The following KLF12 variants were observed in gnomAD, a reference collection of about 807,000 sequenced individuals.
KLF12 encodes the protein KLF transcription factor 12.
In KLF12, 9 loss-of-function variants were observed where a neutral mutation model predicts 37.8. That is an observed-to-expected ratio of 0.24 (90% CI 0.14 to 0.42). The LOEUF (loss-of-function observed/expected upper bound fraction) is 0.42. KLF12 is among the 10% of genes least tolerant of loss of function. The pLI is 1.00. For synonymous variants in KLF12, 208 were observed against 202.1 expected (o/e 1.03, Z -0.25); for missense variants, 411 against 516.0 (o/e 0.80, Z 1.97).
the KLF12 span, among the ~76,000 whole-genome samples, chr13:74,284,365 G>A: frequency 2.0e-5 from 3 of 152,220 alleles, no homozygotes; most frequent in Admixed American, 2.0e-4. Context: ...GTCTTGAAGG[G>A]GGACGTGAGA....
chr13:74,293,435 G>A, the KLF12 span, among the ~76,000 whole-genome samples: 2 of 152,098 alleles, frequency 1.3e-5, no homozygotes, highest in Non-Finnish European at 2.9e-5. Flanking sequence ...GTAAATGCAG[G>A]ATATAATAGT....
intron 3 of KLF12, among the ~76,000 whole-genome samples, chr13:73,850,970 T>C (rs1885306060): frequency 6.6e-6 from 1 of 152,224 alleles, no homozygotes; most frequent in Non-Finnish European, 1.5e-5. Flanking sequence ...ACAAAAGACT[T>C]AGATTCATCA....
At chr13:74,133,266 A>C (rs1878360385) in intron 1 of KLF12, among the ~76,000 whole-genome samples, 1 of 151,708 alleles carries the variant, frequency 6.6e-6, no homozygotes, top group Non-Finnish European at 1.5e-5. Context: ...CCCGGTGCGG[A>C]GCTATTCATC....
chr13:74,226,387 T>C, the KLF12 span, among the ~76,000 whole-genome samples: 1,785 of 152,238 alleles, frequency 0.012, 43 homozygotes, highest in African/African-American at 0.041. Context: ...GAATGAATCT[T>C]GAAAGACAGT....
the KLF12 span, among the ~76,000 whole-genome samples, chr13:74,291,456 G>A: frequency 6.6e-6 from 1 of 152,198 alleles, no homozygotes; most frequent in African/African-American, 2.4e-5. Flanking sequence ...GAGGCCCCAA[G>A]CATGGCTCTC....
chr13:73,940,141 T>C (rs957206885), intron 3 of KLF12, among the ~76,000 whole-genome samples: 3 of 152,162 alleles, frequency 2.0e-5, no homozygotes, highest in Admixed American at 6.5e-5. Flanking sequence ...CTAATACTCT[T>C]CTTGTTTCAG....
chr13:74,057,194 A>C (rs1873292786), intron 1 of KLF12, among the ~76,000 whole-genome samples: 1 of 152,196 alleles, frequency 6.6e-6, no homozygotes, highest in South Asian at 2.1e-4. Flanking sequence ...CATTATCTTC[A>C]TAAAGTTTAC....
At chr13:73,891,860 G>GA in intron 3 of KLF12, among the ~76,000 whole-genome samples, 1 of 152,128 alleles carries the variant, frequency 6.6e-6, no homozygotes, top group Non-Finnish European at 1.5e-5. Flanking sequence ...GAGTAAAGCA[G>GA]AAAAATGTAC....
intron 1 of KLF12, among the ~76,000 whole-genome samples, chr13:74,060,835 A>C (rs1324914): frequency 1.3e-5 from 2 of 151,940 alleles, no homozygotes; most frequent in Non-Finnish European, 2.9e-5. Flanking sequence ...CTATTTTCTA[A>C]AATGTTCACT....
intron 2 of KLF12, among the ~76,000 whole-genome samples, chr13:73,967,809 A>T (rs1181990122): frequency 6.6e-6 from 1 of 152,182 alleles, no homozygotes; most frequent in Non-Finnish European, 1.5e-5. Context: ...CAAGGGACAT[A>T]AGTTAACTTT....
chr13:74,083,355 A>G (rs2138772139), intron 1 of KLF12, among the ~76,000 whole-genome samples: 1 of 152,244 alleles, frequency 6.6e-6, no homozygotes, highest in African/African-American at 2.4e-5. Flanking sequence ...AGTGCAGAAA[A>G]ATTAGCCCAG....
At chr13:73,970,736 A>G (rs1891309190) in intron 2 of KLF12, among the ~76,000 whole-genome samples, 3 of 152,220 alleles carry the variant, frequency 2.0e-5, no homozygotes, top group Admixed American at 2.0e-4. Flanking sequence ...AATGCTGAAG[A>G]AACATTAGCC....
the KLF12 span, among the ~76,000 whole-genome samples, chr13:74,220,731 C>T: frequency 6.6e-6 from 1 of 152,122 alleles, no homozygotes; most frequent in African/African-American, 2.4e-5. Flanking sequence ...TCTATGAAAT[C>T]GATTTTTTGC....
At chr13:73,849,404 T>C (rs756081478) in intron 3 of KLF12, among the ~76,000 whole-genome samples, 127 of 140,676 alleles carry the variant, frequency 9.0e-4, no homozygotes, top group Non-Finnish European at 1.7e-3. Context: ...AAAAAAAGCA[T>C]TGGTTCTGAG....
At chr13:74,304,630 A>G in the KLF12 span, among the ~76,000 whole-genome samples, 1 of 152,162 alleles carries the variant, frequency 6.6e-6, no homozygotes, top group Admixed American at 6.6e-5. Flanking sequence ...GAACAAAGAA[A>G]GGACGATAAT....
chr13:74,131,966 G>T (rs768971696), intron 1 of KLF12, among the ~76,000 whole-genome samples: 11 of 151,996 alleles, frequency 7.2e-5, no homozygotes, highest in Non-Finnish European at 1.0e-4. Flanking sequence ...CAACTGAAAC[G>T]TCTGTCCTTC....
chr13:73,985,477 C>G (rs1378140809), intron 2 of KLF12, among the ~76,000 whole-genome samples: 1 of 152,194 alleles, frequency 6.6e-6, no homozygotes, highest in East Asian at 1.9e-4. Context: ...AGGCCGACAA[C>G]CAGTGATTAT....
chr13:73,942,412 G>A (rs1890230758), intron 3 of KLF12, among the ~76,000 whole-genome samples: 1 of 151,960 alleles, frequency 6.6e-6, no homozygotes, highest in Admixed American at 6.6e-5. Flanking sequence ...CTGAGCAGAA[G>A]TTTATTTTAC....
At chr13:73,738,783 T>C (rs934334416) in intron 6 of KLF12, among the ~76,000 whole-genome samples, 4 of 152,198 alleles carry the variant, frequency 2.6e-5, no homozygotes, top group Non-Finnish European at 4.4e-5. Context: ...CTGATGACTG[T>C]TACTTCTGAA....
Sources: allele counts gnomAD v4.1 joint callset (sites outside exome capture counted in the v4.1 genomes callset), GRCh38; gene constraint gnomAD v4.1.1; transcripts MANE v1.5; gene names NCBI Gene and HGNC (gene_info 2026-07-23, HGNC 2026-07-21).